PTN: variants seen among roughly 807,000 people sequenced by gnomAD.
PTN encodes the protein pleiotrophin, also known as heparin affin regulatory protein.
Under a neutral mutation model 24.1 loss-of-function variants are expected in PTN, and 18 were observed. That is an observed-to-expected ratio of 0.75 (90% CI 0.52 to 1.11). The LOEUF is 1.11. Ranked by LOEUF, PTN falls within the 50% of genes least tolerant of loss-of-function variation. PTN has a pLI of 0.00. For synonymous variants in PTN, 78 were observed against 68.6 expected (o/e 1.14, Z -0.67); for missense variants, 163 against 198.8 (o/e 0.82, Z 1.08).
At chr7:137,319,092 T>G (rs1035435550) in intron 1 of PTN, among the ~76,000 whole-genome samples, 5 of 152,198 alleles carry the variant, frequency 3.3e-5, no homozygotes, top group African/African-American at 4.8e-5. Context: ...AGCTCTCTAG[T>G]TCAACAGACA....
chr7:137,240,213 C>A (rs1808604927), intron 4 of PTN, among the ~76,000 whole-genome samples: 1 of 152,070 alleles, frequency 6.6e-6, no homozygotes, highest in Non-Finnish European at 1.5e-5. Flanking sequence ...CTTCATTGTC[C>A]ACCCACCACC....
chr7:137,324,433 A>AAAAAAAAAAAAAAAAATATATATAT, intron 1 of PTN, among the ~76,000 whole-genome samples: 9 of 88,752 alleles, frequency 1.0e-4, no homozygotes, highest in African/African-American at 6.2e-4. Flanking sequence ...AAAAAAAAAA[A>AAAAAAAAAAAAAAAAATATATATAT]ATATATATAT....
chr7:137,253,429 A>G (rs752634665), intron 3 of PTN, 35 bp downstream of exon 3: 3 of 1,523,728 alleles, frequency 2.0e-6, no homozygotes, highest in Non-Finnish European at 2.7e-6. Flanking sequence ...GAATTATCTC[A>G]GAGTAGGAGA....
At chr7:137,316,962 C>A (rs1810083340) in intron 1 of PTN, among the ~76,000 whole-genome samples, 1 of 152,202 alleles carries the variant, frequency 6.6e-6, no homozygotes, top group Non-Finnish European at 1.5e-5. Flanking sequence ...TCACAATTAA[C>A]TGCTTTGTCT....
rs766694504 is a variant in PTN at position 137,343,585 on chromosome 7, G to A, written c.-148C>T. The stretch of plus-strand genomic sequence containing the variant: ...CCGCCTTCTGGACGGATGACTCACT[G>A]GTCTCTTTCTTCCCCTCTCTCCACT... On this transcript the variant is annotated 5_prime_UTR_variant, in exon 1 of 5. Coordinates refer to ENST00000348225, the MANE Select transcript of PTN (RefSeq NM_002825.7). The A allele has an allele frequency of 3.9e-6, 2 of 518,812 alleles. No homozygotes were observed. The highest frequency in any genetic ancestry group is 7.7e-6 in the Non-Finnish European group (2 of 259,880). 32.1% of individuals were successfully genotyped at this position (518,812 alleles called of 1,614,324 possible).
chr7:137,278,947 A>ATAATAG (rs2128875655), intron 1 of PTN, among the ~76,000 whole-genome samples: 1 of 64,872 alleles, frequency 1.5e-5, no homozygotes, highest in South Asian at 6.2e-4. Context: ...TCTCAGAACA[A>ATAATAG]TAATAATAAT....
intron 4 of PTN, among the ~76,000 whole-genome samples, chr7:137,236,485 C>T (rs1215697176): frequency 1.3e-5 from 2 of 152,090 alleles, no homozygotes; most frequent in Non-Finnish European, 2.9e-5. Flanking sequence ...CACACATACA[C>T]ATACACAGAC....
intron 1 of PTN, among the ~76,000 whole-genome samples, chr7:137,297,502 T>C (rs567458290): frequency 4.6e-5 from 7 of 152,132 alleles, no homozygotes; most frequent in African/African-American, 1.7e-4. Context: ...TGTTGGAACA[T>C]ACTGAGATGA....
At chr7:137,342,176 C>G (rs772719205) in intron 1 of PTN, among the ~76,000 whole-genome samples, 92 of 152,122 alleles carry the variant, frequency 6.0e-4, no homozygotes, top group Non-Finnish European at 1.0e-3. Context: ...ATGGGCCCTG[C>G]TGTTTCATCA....
At chr7:137,323,441 G>A (rs906770911) in intron 1 of PTN, among the ~76,000 whole-genome samples, 8 of 152,178 alleles carry the variant, frequency 5.3e-5, no homozygotes, top group Admixed American at 5.2e-4. Flanking sequence ...GTAAAGTGAA[G>A]ACTGTCAGTA....
At chr7:137,281,038 G>T (rs1809465496) in intron 1 of PTN, among the ~76,000 whole-genome samples, 1 of 152,196 alleles carries the variant, frequency 6.6e-6, no homozygotes, top group East Asian at 1.9e-4. Flanking sequence ...TCACATAGCT[G>T]TCTCAGAAAT....
chr7:137,317,214 C>T lies in PTN; in HGVS notation c.-2+26225G>A, dbSNP rs542177682. Among the ~76,000 whole-genome samples the T allele has an allele frequency of 4.6e-5, 7 of 152,334 alleles. 1 individual carries two copies. The South Asian group carries it at 1.4e-3, about 32-fold the overall frequency. On this transcript the variant is annotated intron_variant, in intron 1 of 4. Coordinates refer to ENST00000348225, the MANE Select transcript of PTN (RefSeq NM_002825.7). ...GCTGGCCATTCAGATGGAGGCTCTG[C>T]TTCCTCTGCTCCTGGGAGTTGCCTC...
At chr7:137,231,253 T>G (rs1420859823) in intron 4 of PTN, among the ~76,000 whole-genome samples, 2 of 151,972 alleles carry the variant, frequency 1.3e-5, no homozygotes, top group African/African-American at 4.8e-5. Context: ...TGATAATATG[T>G]CTCACCCATC....
intron 1 of PTN, among the ~76,000 whole-genome samples, chr7:137,259,386 C>G (rs1373206562): frequency 6.6e-6 from 1 of 152,014 alleles, no homozygotes. Flanking sequence ...CAAACTTCAG[C>G]TATACCACCT....
At chr7:137,275,375 G>T (rs1809344414) in intron 1 of PTN, among the ~76,000 whole-genome samples, 1 of 152,166 alleles carries the variant, frequency 6.6e-6, no homozygotes, top group African/African-American at 2.4e-5. Context: ...ATTATCATTA[G>T]TATCAGCAAC....
intron 1 of PTN, among the ~76,000 whole-genome samples, chr7:137,322,629 A>T (rs2085776433): frequency 6.6e-6 from 1 of 152,228 alleles, no homozygotes; most frequent in African/African-American, 2.4e-5. Context: ...CACATAAAAC[A>T]TTAGAAATAT....
intron 1 of PTN, among the ~76,000 whole-genome samples, chr7:137,255,599 C>T (rs780498024): frequency 2.0e-5 from 3 of 152,206 alleles, no homozygotes; most frequent in Non-Finnish European, 4.4e-5. Flanking sequence ...ACCTGTGATA[C>T]ATATCAAACA....
chr7:137,302,984 T>C (rs1402188559), intron 1 of PTN, among the ~76,000 whole-genome samples: 1 of 152,028 alleles, frequency 6.6e-6, no homozygotes, highest in African/African-American at 2.4e-5. Context: ...TTATTCATTG[T>C]ATAGTATTTA....
At chr7:137,341,669 T>C (rs1194098083) in intron 1 of PTN, among the ~76,000 whole-genome samples, 2 of 152,140 alleles carry the variant, frequency 1.3e-5, no homozygotes. Flanking sequence ...CAGCACCTAA[T>C]GCTGTTATAT....
Sources: allele counts gnomAD v4.1 joint callset (sites outside exome capture counted in the v4.1 genomes callset), GRCh38; gene constraint gnomAD v4.1.1; transcripts MANE v1.5; gene names NCBI Gene and HGNC (gene_info 2026-07-23, HGNC 2026-07-21).